TMEM209: variants seen among roughly 807,000 people sequenced by gnomAD.
TMEM209 encodes testicular tissue protein Li 202.
TMEM209 carries 65 observed loss-of-function variants against 76.2 expected under a neutral mutation model. The observed-to-expected ratio is 0.85, with a 90% confidence interval of 0.70 to 1.05. The LOEUF (loss-of-function observed/expected upper bound fraction) is 1.05, where lower values mean the gene tolerates loss of function less well. TMEM209 is among the 50% of genes least tolerant of loss of function. TMEM209 has a pLI of 0.00. For synonymous variants in TMEM209, 239 were observed against 237.6 expected (o/e 1.01, Z -0.06); for missense variants, 623 against 685.5 (o/e 0.91, Z 1.02).
At chr7:130,183,017 A>G (rs1351928428) in intron 8 of TMEM209, among the ~76,000 whole-genome samples, 1 of 152,230 alleles carries the variant, frequency 6.6e-6, no homozygotes, top group African/African-American at 2.4e-5. Context: ...TATTGCTTAA[A>G]AAAATCCAAA....
chr7:130,202,574 C>T lies in TMEM209; in HGVS notation c.289G>A (p.Val97Ile). The T allele has an allele frequency of 1.2e-6, 2 of 1,613,726 alleles. No individual in the cohort carries two copies. Among genetic ancestry groups the T allele is most frequent in the South Asian group, 2.2e-5 (2 of 91,046 alleles). The change falls in exon 4 of 15, where the codon GTT (valine) becomes ATT (isoleucine). Residue 97 changes from valine to isoleucine, a missense_variant. Transcript: ENST00000397622. ...AAAAGTGTTTGCTGTCCAGGACTAA[C>T]AACCAGACTTGTTGGTGCCACAGTA... ...KYTVAPTSLV[V>I]SPGQQTLLGL...
intron 14 of TMEM209, 28 bp from the exon 15 acceptor site, chr7:130,166,533 G>C: frequency 6.9e-7 from 1 of 1,455,540 alleles, no homozygotes; most frequent in Non-Finnish European, 9.1e-7. Flanking sequence ...ATTTTTATTA[G>C]AATTGGTTGC....
intron 6 of TMEM209, among the ~76,000 whole-genome samples, chr7:130,191,458 G>A (rs1354070422): frequency 6.6e-6 from 1 of 152,022 alleles, no homozygotes; most frequent in African/African-American, 2.4e-5. Context: ...GTGTGACAGT[G>A]AACAAATATA....
At chr7:130,168,574 G>GA (rs1477638062) in intron 14 of TMEM209, among the ~76,000 whole-genome samples, 1 of 152,096 alleles carries the variant, frequency 6.6e-6, no homozygotes. Flanking sequence ...ACATTTTAGG[G>GA]AAAATTTGAC....
At position 130,169,095 on chromosome 7, in the gene TMEM209, C is replaced by T. The variant is rs142734345; in HGVS notation, c.1631+1305G>A. 8.9e-5 allele frequency among the ~76,000 whole-genome samples: 13 copies of T among 146,570 alleles called. No individual in the cohort carries two copies. The East Asian group carries it at 2.1e-3, about 24-fold the overall frequency. On this transcript the variant is annotated intron_variant, in intron 14 of 14. Coordinates refer to ENST00000397622, the MANE Select transcript of TMEM209 (RefSeq NM_032842.4). ...CTACCAAAAATACCCGGCATGGTGGCGGGCATCTGTAGTTCCAGCTACTTG... is the reference window on the plus strand; with the variant it reads ...CTACCAAAAATACCCGGCATGGTGGTGGGCATCTGTAGTTCCAGCTACTTG...
At chr7:130,198,024 AATTTCAGAAC>A (rs1299725037) in intron 5 of TMEM209, among the ~76,000 whole-genome samples, 8 of 152,204 alleles carry the variant, frequency 5.3e-5, no homozygotes, top group African/African-American at 1.9e-4. Flanking sequence ...CATCACAATC[AATTTCAGAAC>A]ATTCTTGTTC....
intron 5 of TMEM209, among the ~76,000 whole-genome samples, chr7:130,195,845 A>G (rs1435437323): frequency 6.6e-6 from 1 of 152,172 alleles, no homozygotes; most frequent in African/African-American, 2.4e-5. Context: ...CATATTGAAT[A>G]CCAAGTATTT....
chr7:130,178,638 T>A, intron 9 of TMEM209, 111 bp from the exon 10 acceptor site: 2 of 1,285,286 alleles, frequency 1.6e-6, no homozygotes, highest in Middle Eastern at 2.6e-4. Context: ...TACCTTCAGG[T>A]CTTCATACAA....
chr7:130,173,041 A>G (rs1194777896), intron 13 of TMEM209, among the ~76,000 whole-genome samples: 2 of 151,530 alleles, frequency 1.3e-5, no homozygotes, highest in African/African-American at 4.8e-5. Flanking sequence ...AAGATTTTTA[A>G]TAGTATGGAA....
intron 14 of TMEM209, among the ~76,000 whole-genome samples, chr7:130,168,174 A>G (rs1390122185): frequency 1.3e-5 from 2 of 152,176 alleles, no homozygotes; most frequent in African/African-American, 4.8e-5. Flanking sequence ...ATGCATCAAA[A>G]TATCAATTTG....
chr7:130,168,503 T>A (rs1480360059), intron 14 of TMEM209, among the ~76,000 whole-genome samples: 1 of 152,186 alleles, frequency 6.6e-6, no homozygotes, highest in Admixed American at 6.5e-5. Context: ...GGAATTTATA[T>A]CAAATTCCAT....
At chr7:130,173,333 C>G (rs1017862433) in intron 13 of TMEM209, among the ~76,000 whole-genome samples, 2 of 152,132 alleles carry the variant, frequency 1.3e-5, no homozygotes, top group African/African-American at 4.8e-5. Context: ...CAGAGCTAGA[C>G]TCTGCCTCTA....
chr7:130,166,545 A>G, intron 14 of TMEM209, 40 bp from the exon 15 acceptor site: 1 of 1,366,158 alleles, frequency 7.3e-7, no homozygotes, highest in South Asian at 1.4e-5. Context: ...ATTGGTTGCC[A>G]AGCATTTAAG....
At chr7:130,187,638 T>C (rs80142946) in intron 6 of TMEM209, among the ~76,000 whole-genome samples, 5,103 of 150,814 alleles carry the variant, frequency 0.034, 293 homozygotes, top group African/African-American at 0.12. Flanking sequence ...CTGTCATAGG[T>C]TGTTGGGAGA....
chr7:130,174,328 A>G (rs1797168928), intron 11 of TMEM209, among the ~76,000 whole-genome samples: 1 of 152,190 alleles, frequency 6.6e-6, no homozygotes, highest in Admixed American at 6.5e-5. Flanking sequence ...TTTTGATGAG[A>G]AGGTTTCCTT....
chr7:130,169,685 T>A (rs190239803), intron 14 of TMEM209, among the ~76,000 whole-genome samples: 1 of 152,114 alleles, frequency 6.6e-6, no homozygotes, highest in African/African-American at 2.4e-5. Context: ...TAAAGACGCA[T>A]GCATATCGGA....
At chr7:130,204,834 A>G (rs1798376119) in intron 1 of TMEM209, 1 of 672,838 alleles carries the variant, frequency 1.5e-6, no homozygotes, top group African/African-American at 2.0e-5. Flanking sequence ...TGTAAGTCAT[A>G]AAGACTGTTG....
At chr7:130,205,165 C>T in intron 1 of TMEM209, 1 of 1,470,710 alleles carries the variant, frequency 6.8e-7, no homozygotes, top group South Asian at 1.4e-5. Context: ...GCCCCCGCGT[C>T]CCAATTTCCC....
Position 130,185,213 on chromosome 7 carries a change from G to C in TMEM209, c.930C>G (p.Ser310Arg). The C allele has an allele frequency of 1.2e-6, 2 of 1,613,674 alleles. No individual in the cohort carries two copies. The highest frequency in any genetic ancestry group is 1.7e-6 in the Non-Finnish European group (2 of 1,179,710). Residue 310 changes from serine (S) to arginine (R), a missense_variant, in exon 7 of 15, where the codon AGC (serine) becomes AGG (arginine). By Grantham distance (110) the Ser-to-Arg change is moderately radical. Coordinates refer to ENST00000397622, the MANE Select transcript of TMEM209 (RefSeq NM_032842.4). ...PCANKDEADL[S>R]SKQAAEEVWA... ...TTACCTCTTCTGCGGCTTGTTTAGA[G>C]CTGAGATCGGCTTCATCTTTGTTAG...
Sources: allele counts gnomAD v4.1 joint callset (sites outside exome capture counted in the v4.1 genomes callset), GRCh38; gene constraint gnomAD v4.1.1; transcripts MANE v1.5; gene names NCBI Gene and HGNC (gene_info 2026-07-23, HGNC 2026-07-21).